Variants in IQGAP1 observed in about 807,000 individuals in gnomAD.
The protein encoded by IQGAP1 is IQ motif containing GTPase activating protein 1.
Under a neutral mutation model 215.6 loss-of-function variants are expected in IQGAP1, and 66 were observed. The ratio of observed to expected loss-of-function variants is 0.31; its 90% confidence interval spans 0.25 to 0.38. The LOEUF (loss-of-function observed/expected upper bound fraction) is 0.38. IQGAP1 is among the 10% of genes least tolerant of loss of function. The pLI is 1.00. For synonymous variants in IQGAP1, 772 were observed against 728.7 expected (o/e 1.06, Z -0.96); for missense variants, 1,712 against 1,997.1 (o/e 0.86, Z 2.72).
At chr15:90,440,679 C>A in intron 7 of IQGAP1, 64 bp downstream of exon 7, 1 of 1,010,426 alleles carries the variant, frequency 9.9e-7, no homozygotes. Context: ...ATAATTAATT[C>A]TATAGTGATG....
At chr15:90,459,141 A>G (rs1459816311) in intron 15 of IQGAP1, among the ~76,000 whole-genome samples, 3 of 152,192 alleles carry the variant, frequency 2.0e-5, no homozygotes, top group African/African-American at 4.8e-5. Flanking sequence ...TCTGAAGGCT[A>G]TGGTTCTATC....
intron 19 of IQGAP1, 102 bp from the exon 20 acceptor site, chr15:90,473,613 C>A: frequency 1.3e-6 from 1 of 791,294 alleles, no homozygotes; most frequent in Non-Finnish European, 2.1e-6. Context: ...AAAACTTCAT[C>A]ATGAAATTGC....
chr15:90,466,488 G>A (rs767810638), intron 17 of IQGAP1, 52 bp downstream of exon 17: 6 of 1,559,682 alleles, frequency 3.8e-6, no homozygotes, highest in Non-Finnish European at 4.4e-6. Flanking sequence ...TTGAGTATAT[G>A]AGGGGACAGA....
intron 4 of IQGAP1, among the ~76,000 whole-genome samples, chr15:90,431,991 T>G (rs918831089): frequency 1.2e-4 from 19 of 152,198 alleles, no homozygotes; most frequent in African/African-American, 3.9e-4. Context: ...CCTGTTTTCT[T>G]TAATTATTCT....
chr15:90,419,467 G>T (rs2601206), intron 2 of IQGAP1, among the ~76,000 whole-genome samples: 1 of 151,942 alleles, frequency 6.6e-6, no homozygotes, highest in African/African-American at 2.4e-5. Flanking sequence ...TTGCATTTGA[G>T]TGAGATTTGC....
At position 90,427,515 on chromosome 15, in the gene IQGAP1, G is replaced by A. The variant is rs569557428; in HGVS notation, c.312+1249G>A. Among the ~76,000 whole-genome samples the A allele has an allele frequency of 1.6e-4, 24 of 152,160 alleles. No individual in the cohort carries two copies. In the East Asian group the frequency reaches 2.9e-3, roughly 18 times the overall value. On this transcript the variant is annotated intron_variant, in intron 3 of 37. Transcript: ENST00000268182. ...AGCACTTTGGGAGGTTGAGGCGGGC[G>A]GATCACTTGAGGTCAGGAGTTCAAG...
intron 2 of IQGAP1, among the ~76,000 whole-genome samples, chr15:90,411,721 T>C (rs1721119997): frequency 6.6e-6 from 1 of 152,198 alleles, no homozygotes; most frequent in Admixed American, 6.5e-5. Flanking sequence ...CATCTAGATT[T>C]AACTCAGTTT....
chr15:90,428,374 G>T (rs1457521468), intron 3 of IQGAP1, among the ~76,000 whole-genome samples: 2 of 152,138 alleles, frequency 1.3e-5, no homozygotes, highest in African/African-American at 2.4e-5. Context: ...ACTGTGCCCA[G>T]CCCTTTGCTC....
chr15:90,468,530 C>G (rs750050873), intron 18 of IQGAP1, among the ~76,000 whole-genome samples: 1 of 151,960 alleles, frequency 6.6e-6, no homozygotes, highest in Non-Finnish European at 1.5e-5. Flanking sequence ...TTGTTGGTAT[C>G]ATAAAAGAAA....
intron 18 of IQGAP1, among the ~76,000 whole-genome samples, chr15:90,470,232 T>C (rs1965887086): frequency 1.3e-5 from 2 of 152,212 alleles, no homozygotes; most frequent in Admixed American, 1.3e-4. Flanking sequence ...ACTTGGATTT[T>C]CACTGATTCC....
At chr15:90,411,255 C>T (rs960842235) in intron 2 of IQGAP1, among the ~76,000 whole-genome samples, 3 of 151,826 alleles carry the variant, frequency 2.0e-5, no homozygotes, top group African/African-American at 7.3e-5. Flanking sequence ...GCAAGTACTA[C>T]GTTCTTTCTT....
At position 90,473,972 on chromosome 15, in the gene IQGAP1, G is replaced by A. The variant is rs549272838; in HGVS notation, c.2505+5G>A. The A allele has an allele frequency of 6.2e-7, 1 of 1,613,938 alleles. No homozygotes were observed. Among genetic ancestry groups the A allele is most frequent in the Admixed American group, 1.7e-5 (1 of 60,010 alleles). On this transcript the variant is annotated splice_donor_5th_base_variant and intron_variant, in intron 21 of 37. Transcript: ENST00000268182. ...CTGCAGTACTTCCGGGACCATGTAA[G>A]CACCCTTGGATCATACAGGCCATTA...
intron 22 of IQGAP1, 81 bp downstream of exon 22, chr15:90,474,214 T>C (rs1239982841): frequency 7.8e-7 from 1 of 1,278,512 alleles, no homozygotes; most frequent in Non-Finnish European, 1.1e-6. Context: ...AGACCTCTTT[T>C]GTTATCCTGA....
chr15:90,483,687 C>T (rs1236216059), intron 29 of IQGAP1, 94 bp downstream of exon 29: 3 of 857,278 alleles, frequency 3.5e-6, no homozygotes, highest in South Asian at 1.6e-5. Context: ...CTCACTTTCC[C>T]CGGACTGCCA....
At chr15:90,491,650 T>C (rs538097323) in intron 34 of IQGAP1, 105 bp downstream of exon 34, 1 of 848,656 alleles carries the variant, frequency 1.2e-6, no homozygotes, top group African/African-American at 1.7e-5. Context: ...CATGGGCAAA[T>C]TAGTGCCCTC....
intron 2 of IQGAP1, chr15:90,392,080 A>C (rs893192805): frequency 6.6e-6 from 1 of 152,000 alleles, no homozygotes; most frequent in African/African-American, 2.4e-5. Flanking sequence ...AAAACAAAAC[A>C]AAACAAAACC....
intron 11 of IQGAP1, among the ~76,000 whole-genome samples, chr15:90,450,979 T>A (rs1965596768): frequency 6.6e-6 from 1 of 152,154 alleles, no homozygotes; most frequent in Non-Finnish European, 1.5e-5. Flanking sequence ...GACATAGTCC[T>A]GTTTGTCTAT....
intron 5 of IQGAP1, among the ~76,000 whole-genome samples, chr15:90,438,117 A>G (rs1156543008): frequency 6.6e-6 from 1 of 152,194 alleles, no homozygotes; most frequent in African/African-American, 2.4e-5. Flanking sequence ...TTGTATTTAG[A>G]TGATATTGAG....
At chr15:90,453,897 T>G (rs1965642853) in intron 13 of IQGAP1, among the ~76,000 whole-genome samples, 1 of 152,232 alleles carries the variant, frequency 6.6e-6, no homozygotes, top group African/African-American at 2.4e-5. Context: ...AAACCCACTT[T>G]TCCCACCATC....
Sources: gnomAD v4.1 joint callset for allele counts (sites outside exome capture counted in the v4.1 genomes callset) on GRCh38, gnomAD v4.1.1 for gene constraint, MANE v1.5 for transcripts, NCBI Gene and HGNC (gene_info 2026-07-23, HGNC 2026-07-21) for gene names.